The following PLCH2 variants were observed in gnomAD, a reference collection of about 807,000 sequenced individuals.
PLCH2 encodes 1-phosphatidylinositol 4,5-bisphosphate phosphodiesterase eta-2.
Under a neutral mutation model 134.7 loss-of-function variants are expected in PLCH2, and 98 were observed. The ratio of observed to expected loss-of-function variants is 0.73; its 90% CI spans 0.62 to 0.86. PLCH2 has a LOEUF of 0.86. PLCH2 is among the 40% of genes least tolerant of loss of function. PLCH2 has a pLI of 0.00. For missense variants in PLCH2, 1,994 were observed against 1,986.6 expected, an observed-to-expected ratio of 1.00 and a Z score of -0.07; for synonymous variants, 974 against 827.5, an observed-to-expected ratio of 1.18 and a Z score of -3.04.
chr1:2,420,468 C>T, the PLCH2 span, among the ~76,000 whole-genome samples: 1 of 152,116 alleles, frequency 6.6e-6, no homozygotes, highest in Non-Finnish European at 1.5e-5. Flanking sequence ...CGGGGCTGAA[C>T]GGTTATGTCC....
chr1:2,437,798 AAC>A (rs989373583), intron 2 of PLCH2, among the ~76,000 whole-genome samples: 4 of 152,240 alleles, frequency 2.6e-5, no homozygotes, highest in East Asian at 1.9e-4. Flanking sequence ...CACATAGGGA[AAC>A]ACATGTGTAC....
chr1:2,500,737 C>T (rs1558034278), intron 20 of PLCH2: 1 of 152,028 alleles, frequency 6.6e-6, no homozygotes, highest in South Asian at 2.1e-4. Flanking sequence ...CGAGGCAGAT[C>T]CAGGGTTCAG....
intron 2 of PLCH2, among the ~76,000 whole-genome samples, chr1:2,436,329 C>CTCCACCT (rs1158329157): frequency 4.4e-5 from 1 of 22,914 alleles, no homozygotes. Flanking sequence ...TCCCTCCTCC[C>CTCCACCT]TTCCTCCCTC....
intron 21 of PLCH2, chr1:2,503,419 G>A (rs1025972691): frequency 7.7e-5 from 46 of 594,322 alleles, no homozygotes; most frequent in Non-Finnish European, 1.1e-4. Context: ...TGGGACGCCT[G>A]GAGCCTGCTG....
In PLCH2 at chr1:2,505,140, C is replaced by T. The variant is rs998609632; in HGVS notation, c.4178C>T (p.Ala1393Val). The T allele has an allele frequency of 1.3e-6, 2 of 1,559,320 alleles. No homozygotes were observed. Among genetic ancestry groups the T allele is most frequent in the African/African-American group, 2.7e-5 (2 of 73,626 alleles). The change falls in exon 22 of 22, where the codon GCA becomes GTA. Residue 1393 changes from alanine (A) to valine (V), a missense_variant. Ala to Val is a moderately conservative substitution (Grantham distance 64). Around this residue, in one of 2 missense-constraint regions of PLCH2, gnomAD observed 900 missense variants for 752.3 expected, o/e 1.20. Transcript: ENST00000378486. ...GTGGGCCACGAGGGCAGTGTGGATGCACCAGCACCCTCCAAGGGAGCCCTC... is the reference window on the plus strand; with the variant it reads ...GTGGGCCACGAGGGCAGTGTGGATGTACCAGCACCCTCCAAGGGAGCCCTC... ...CSVGHEGSVD[A>V]PAPSKGALGP...
At chr1:2,464,522 T>G (rs890078035), upstream of PLCH2, among the ~76,000 whole-genome samples, 7 of 152,198 alleles carry the variant, frequency 4.6e-5, no homozygotes, top group Non-Finnish European at 7.4e-5. Flanking sequence ...ACCTGTGCCC[T>G]GGGGCAGGGG....
At chr1:2,436,825 G>A (rs747800350) in intron 2 of PLCH2, among the ~76,000 whole-genome samples, 3 of 152,256 alleles carry the variant, frequency 2.0e-5, no homozygotes, top group African/African-American at 4.8e-5. Flanking sequence ...AGAGGGCAGG[G>A]TTGGTCTTCC....
At chr1:2,427,841 C>G (rs2494435) in intron 1 of PLCH2, among the ~76,000 whole-genome samples, 1 of 152,038 alleles carries the variant, frequency 6.6e-6, no homozygotes, top group African/African-American at 2.4e-5. Context: ...GGGTGGGAGC[C>G]GGCTTGGACT....
upstream of PLCH2, chr1:2,467,437 C>CCCTCGCCTT (rs993738035): frequency 7.3e-5 from 26 of 355,330 alleles, no homozygotes; most frequent in Admixed American, 4.5e-4. Context: ...TCCCGCCTTC[C>CCCTCGCCTT]CCTCGCCTTC....
At chr1:2,478,979 G>A (rs951044921) in intron 2 of PLCH2, 2 of 284,362 alleles carry the variant, frequency 7.0e-6, no homozygotes, top group Non-Finnish European at 1.3e-5. Context: ...TGATGGATGG[G>A]TATGGGTGCA....
upstream of PLCH2, among the ~76,000 whole-genome samples, chr1:2,472,483 G>A (rs1399047209): frequency 6.6e-6 from 1 of 152,148 alleles, no homozygotes; most frequent in Non-Finnish European, 1.5e-5. Flanking sequence ...AGGGCTGCAG[G>A]AGCATCTGGC....
chr1:2,460,968 G>A lies in PLCH2; in HGVS notation c.116-17508G>A, dbSNP rs565434853. ...TGAGGCTGGGTGCCAGCCTGGTGGC[G>A]TGGGGGCTCAGGAGTGTGCCCAGTG... On this transcript the variant is annotated intron_variant, in intron 2 of 3. Transcript: ENST00000609981. Among the ~76,000 whole-genome samples, 76 of 152,314 alleles carry A rather than the reference G, an allele frequency of 5.0e-4. 1 individual carries two copies. Among genetic ancestry groups the A allele is most frequent in the Non-Finnish European group, 9.7e-4 (66 of 68,014 alleles).
the PLCH2 span, among the ~76,000 whole-genome samples, chr1:2,420,363 T>C: frequency 1.3e-5 from 2 of 152,050 alleles, no homozygotes; most frequent in Non-Finnish European, 2.9e-5. Flanking sequence ...TTCCACCTCC[T>C]TCGAGAGGTG....
chr1:2,504,452 G>C lies in PLCH2; in HGVS notation c.3490G>C (p.Gly1164Arg). 6.2e-7 allele frequency: 1 copy of C among 1,612,364 alleles called. No individual in the cohort carries two copies. Residue 1164 changes from glycine to arginine, a missense_variant, in exon 22 of 22, where the codon GGC (glycine) becomes CGC (arginine). Around this residue, in one of 2 missense-constraint regions of PLCH2, gnomAD observed 900 missense variants for 752.3 expected, o/e 1.20. Transcript: ENST00000378486. ...TVIDLSLPSL[G>R]LGRSRENLAG... is the part of the protein sequence containing the mutation. Reference sequence around the variant, plus strand: ...CATTGACCTCTCCCTGCCCAGCCTGGGCCTGGGCCGCAGCCGTGAGAACCT... The same window carrying C: ...CATTGACCTCTCCCTGCCCAGCCTGCGCCTGGGCCGCAGCCGTGAGAACCT...
At chr1:2,450,101 G>A (rs1205440964) in intron 2 of PLCH2, among the ~76,000 whole-genome samples, 1 of 152,204 alleles carries the variant, frequency 6.6e-6, no homozygotes, top group African/African-American at 2.4e-5. Flanking sequence ...AGCTGGGCCC[G>A]TCCCCTGAGG....
At chr1:2,446,099 C>T (rs1424990372) in intron 2 of PLCH2, among the ~76,000 whole-genome samples, 1 of 152,206 alleles carries the variant, frequency 6.6e-6, no homozygotes, top group Admixed American at 6.5e-5. Context: ...GCTTCCACCC[C>T]CGTCCTGCTT....
In PLCH2 at chr1:2,496,624, A is replaced by C. The variant is rs746591824; in HGVS notation, c.1853A>C (p.Lys618Thr). The change falls in exon 14 of 22, where the codon AAG becomes ACG. Residue 618 changes from lysine (K) to threonine (T), a missense_variant. Coordinates refer to ENST00000378486, the MANE Select transcript of PLCH2 (RefSeq NM_014638.4). ...GQSRGATRQK[K>T]TMKLSRALSD... ...TGCCACAGGGCGACCCGGCAGAAGA[A>C]GACCATGAAGCTGTCCCGGGCCCTC... 20 of 1,611,664 alleles carry C rather than the reference A, an allele frequency of 1.2e-5. No individual in the cohort carries two copies. The highest frequency in any genetic ancestry group is 4.5e-5 in the East Asian group (2 of 44,816).
intron 4 of PLCH2, among the ~76,000 whole-genome samples, chr1:2,480,766 T>C (rs1412006593): frequency 6.6e-6 from 1 of 152,086 alleles, no homozygotes; most frequent in Admixed American, 6.5e-5. Flanking sequence ...ACCACCCTGA[T>C]GTTAGGAGTT....
intron 1 of PLCH2, among the ~76,000 whole-genome samples, chr1:2,477,851 C>T (rs1356142381): frequency 6.6e-6 from 1 of 152,214 alleles, no homozygotes; most frequent in East Asian, 1.9e-4. Context: ...GGGGTGGGGG[C>T]TTTCCTGGAG....
Sources: gnomAD v4.1 joint callset for allele counts (sites outside exome capture counted in the v4.1 genomes callset) on GRCh38, gnomAD v4.1.1 for gene constraint, gnomAD v4.1.1 regional missense constraint, MANE v1.5 for transcripts, NCBI Gene and HGNC (gene_info 2026-07-23, HGNC 2026-07-21) for gene names.